Variants in MTMR10 observed in about 807,000 individuals in gnomAD.
MTMR10 encodes myotubularin-related protein 10.
A neutral mutation model predicts 88.1 loss-of-function variants in MTMR10; 56 were observed. The ratio of observed to expected loss-of-function variants is 0.64; its 90% confidence interval spans 0.51 to 0.79. The LOEUF (loss-of-function observed/expected upper bound fraction) is 0.79. MTMR10 is among the 30% of genes least tolerant of loss of function. The pLI is 0.00. For missense variants in MTMR10, 883 were observed against 924.7 expected, an observed-to-expected ratio of 0.95 and a Z score of 0.58; for synonymous variants, 380 against 340.9, an observed-to-expected ratio of 1.11 and a Z score of -1.26.
At chr15:30,930,505 C>T in the MTMR10 span, 1,101 of 1,560,116 alleles carry the variant, frequency 7.1e-4, 1 homozygote, top group African/African-American at 2.8e-3. Context: ...TTCTCTGTCA[C>T]GAGGGAAGTG....
At chr15:30,930,097 G>C in the MTMR10 span, among the ~76,000 whole-genome samples, 4 of 149,112 alleles carry the variant, frequency 2.7e-5, no homozygotes, top group Admixed American at 6.8e-5. Flanking sequence ...GCCACTGTTA[G>C]TGATGGAAAC....
At chr15:30,929,782 TATCATATATA>T in the MTMR10 span, among the ~76,000 whole-genome samples, 3 of 50,426 alleles carry the variant, frequency 5.9e-5, no homozygotes, top group African/African-American at 2.6e-4. Context: ...TAATATATTA[TATCATATATA>T]ATATAATATA....
intron 2 of MTMR10, among the ~76,000 whole-genome samples, chr15:30,988,076 A>G (rs1458089065): frequency 6.6e-6 from 1 of 152,174 alleles, no homozygotes; most frequent in Non-Finnish European, 1.5e-5. Flanking sequence ...GATCACCAAT[A>G]GTTCGGTAAC....
the MTMR10 span, among the ~76,000 whole-genome samples, chr15:30,923,904 G>A: frequency 6.6e-6 from 1 of 152,066 alleles, no homozygotes; most frequent in East Asian, 1.9e-4. Context: ...ACAGTTCAGT[G>A]GCATTCATGG....
intron 7 of MTMR10, among the ~76,000 whole-genome samples, chr15:30,960,462 T>G (rs2063386148): frequency 6.6e-6 from 1 of 152,196 alleles, no homozygotes; most frequent in Non-Finnish European, 1.5e-5. Flanking sequence ...AAGCAATATC[T>G]ACAATGTGGA....
the MTMR10 span, chr15:30,922,177 T>C: frequency 5.1e-6 from 8 of 1,582,292 alleles, no homozygotes; most frequent in Non-Finnish European, 6.9e-6. Context: ...CTTGTAAATA[T>C]CATTGCAGCT....
intron 5 of MTMR10, among the ~76,000 whole-genome samples, chr15:30,969,673 C>T (rs1228585365): frequency 2.0e-5 from 3 of 152,146 alleles, no homozygotes; most frequent in Non-Finnish European, 4.4e-5. Context: ...TTTTGCTCTC[C>T]TGATAATCTG....
At chr15:30,934,249 C>CT (rs1263140322), downstream of MTMR10, among the ~76,000 whole-genome samples, 3 of 151,794 alleles carry the variant, frequency 2.0e-5, no homozygotes, top group African/African-American at 2.4e-5. Flanking sequence ...CTTCAGCCTT[C>CT]TTTTTTTTAA....
At chr15:30,975,358 A>G (rs1363546483) in intron 3 of MTMR10, among the ~76,000 whole-genome samples, 1 of 152,218 alleles carries the variant, frequency 6.6e-6, no homozygotes, top group Non-Finnish European at 1.5e-5. Flanking sequence ...AAGATTTTAA[A>G]GTGCAAAATA....
chr15:30,935,469 C>T (rs1011292687), downstream of MTMR10, among the ~76,000 whole-genome samples: 5 of 152,156 alleles, frequency 3.3e-5, no homozygotes, highest in African/African-American at 7.2e-5. Context: ...AAAGTAACTA[C>T]AACAATAAAC....
chr15:30,963,705 T>C (rs2063438028), intron 6 of MTMR10, among the ~76,000 whole-genome samples: 1 of 81,638 alleles, frequency 1.2e-5, no homozygotes. Flanking sequence ...AAATGCTCAT[T>C]CTAAGCCCAC....
intron 2 of MTMR10, among the ~76,000 whole-genome samples, chr15:30,985,229 G>A (rs555685818): frequency 1.3e-5 from 2 of 152,322 alleles, no homozygotes; most frequent in South Asian, 4.1e-4. Flanking sequence ...GCCAGCAACA[G>A]GAAGTCCACT....
At chr15:30,980,007 A>G (rs181538537) in intron 2 of MTMR10, among the ~76,000 whole-genome samples, 3 of 152,354 alleles carry the variant, frequency 2.0e-5, no homozygotes, top group African/African-American at 7.2e-5. Context: ...ATGGTCCGCA[A>G]AGCCTAAAAT....
chr15:30,928,506 TTGTG>T, the MTMR10 span: 1,664 of 1,480,194 alleles, frequency 1.1e-3, no homozygotes, highest in South Asian at 2.7e-3. Context: ...AAAACAGATT[TTGTG>T]TGTGTGTGTG....
chr15:30,940,911 T>C lies in MTMR10; in HGVS notation c.*559A>G. The C allele has an allele frequency of 9.7e-7, 1 of 1,034,584 alleles. No homozygotes were observed. The highest frequency in any genetic ancestry group is 1.2e-6 in the Non-Finnish European group (1 of 858,972). 64.1% of individuals were successfully genotyped at this position (1,034,584 alleles called of 1,614,324 possible). On this transcript the variant is annotated 3_prime_UTR_variant, in exon 16 of 16. Coordinates refer to ENST00000435680, the MANE Select transcript of MTMR10 (RefSeq NM_017762.3). The stretch of plus-strand genomic sequence containing the variant: ...TGACCCTATGAAGTTAAAAGCAAAC[T>C]CATGATTTCAAAACACAGTGATCTA...
chr15:30,979,885 GT>G (rs2030440850), intron 2 of MTMR10, among the ~76,000 whole-genome samples: 1 of 152,188 alleles, frequency 6.6e-6, no homozygotes, highest in African/African-American at 2.4e-5. Flanking sequence ...ACAAAACCTT[GT>G]TTTTGTAAAT....
intron 2 of MTMR10, among the ~76,000 whole-genome samples, chr15:30,988,760 G>T (rs910032718): frequency 2.6e-5 from 4 of 152,102 alleles, no homozygotes; most frequent in Middle Eastern, 3.2e-3. Context: ...AGGCCAAGGC[G>T]GGCGGATCAC....
chr15:30,958,885 G>A lies in MTMR10; in HGVS notation c.913C>T (p.Gln305Ter), dbSNP rs748093274. ...VRMALIKDVLQQRKIDQRICN... is the reference protein window; with the variant it reads ...VRMALIKDVL Reference sequence around the variant, plus strand: ...TACCTCTGGTCAATCTTCCTCTGCTGCAGCACGTCTTTGATGAGGGCCATT... The same window carrying A: ...TACCTCTGGTCAATCTTCCTCTGCTACAGCACGTCTTTGATGAGGGCCATT... Residue 305 changes from glutamine to a stop codon, truncating the protein, a stop_gained, in exon 9 of 16, where the codon CAG becomes TAG. Coordinates refer to ENST00000435680, the MANE Select transcript of MTMR10 (RefSeq NM_017762.3). LOFTEE classifies it high-confidence loss of function. The A allele has an allele frequency of 6.2e-7, 1 of 1,613,874 alleles. No homozygotes were observed. The highest frequency in any genetic ancestry group is 1.7e-5 in the Admixed American group (1 of 60,018).
chr15:30,958,721 CA>C, intron 9 of MTMR10, 141 bp downstream of exon 9: 2 of 775,544 alleles, frequency 2.6e-6, no homozygotes, highest in Non-Finnish European at 4.2e-6. Flanking sequence ...ACATTCTTTT[CA>C]AAATGGCAAT....
Sources: allele counts gnomAD v4.1 joint callset (sites outside exome capture counted in the v4.1 genomes callset), GRCh38; gene constraint gnomAD v4.1.1; transcripts MANE v1.5; gene names NCBI Gene and HGNC (gene_info 2026-07-23, HGNC 2026-07-21).